Variants in RBM28 observed in about 807,000 individuals in gnomAD.
RBM28 encodes RNA binding motif protein 28.
In RBM28, 78 loss-of-function variants were observed where a neutral mutation model predicts 98.3. The observed-to-expected ratio is 0.79, with a 90% confidence interval of 0.66 to 0.96. The LOEUF (loss-of-function observed/expected upper bound fraction) is 0.96, where lower values mean the gene tolerates loss of function less well. Among genes scored for constraint, RBM28 ranks in the 40% least tolerant of loss-of-function variants. The pLI, the probability that RBM28 is intolerant of heterozygous loss-of-function variation, is 0.00. For synonymous variants in RBM28, 306 were observed against 330.9 expected (o/e 0.92, Z 0.82); for missense variants, 838 against 913.0 (o/e 0.92, Z 1.06).
intron 10 of RBM28, among the ~76,000 whole-genome samples, chr7:128,329,233 G>A (rs979601578): frequency 1.3e-5 from 2 of 152,136 alleles, no homozygotes; most frequent in African/African-American, 4.8e-5. Context: ...CCGAGTAGCT[G>A]GGATTACAGG....
chr7:128,338,663 A>G (rs1019749318), intron 4 of RBM28, 63 bp downstream of exon 4: 1 of 1,173,712 alleles, frequency 8.5e-7, no homozygotes, highest in Admixed American at 1.7e-5. Flanking sequence ...TATATCATAT[A>G]TGTTTGTTCA....
intron 18 of RBM28, 99 bp from the exon 19 acceptor site, chr7:128,311,030 G>T: frequency 8.2e-7 from 1 of 1,224,004 alleles, no homozygotes; most frequent in Non-Finnish European, 1.2e-6. Flanking sequence ...GTGGGACAGA[G>T]ATCATATCTA....
chr7:128,329,168 C>T (rs543786931), intron 10 of RBM28, among the ~76,000 whole-genome samples: 33 of 152,226 alleles, frequency 2.2e-4, no homozygotes, highest in African/African-American at 7.7e-4. Flanking sequence ...GGCACGATCT[C>T]GGCTCACCAC....
chr7:128,321,761 T>A (rs151059427), intron 13 of RBM28, among the ~76,000 whole-genome samples: 2 of 151,964 alleles, frequency 1.3e-5, no homozygotes, highest in African/African-American at 4.8e-5. Flanking sequence ...AATGAGATAA[T>A]ATAAGGCTGG....
intron 18 of RBM28, among the ~76,000 whole-genome samples, chr7:128,312,469 G>A (rs1796006044): frequency 6.6e-6 from 1 of 152,078 alleles, no homozygotes; most frequent in Non-Finnish European, 1.5e-5. Context: ...CAGATGACAG[G>A]CAATATGGGG....
At chr7:128,336,794 C>T (rs1201700071) in intron 6 of RBM28, among the ~76,000 whole-genome samples, 2 of 152,144 alleles carry the variant, frequency 1.3e-5, no homozygotes, top group Non-Finnish European at 2.9e-5. Flanking sequence ...CGTTTTGTTG[C>T]CCAGGCTGGA....
chr7:128,310,805 CA>C lies in RBM28; in HGVS notation c.2271del (p.Phe757LeufsTer33). On this transcript the variant is annotated frameshift_variant, in exon 19 of 19. Transcript: ENST00000223073. LOFTEE classifies it high-confidence loss of function. ...GAPLAKRSKW[F>X]DS ...CCAGCCTGCTGCCATCATCAACTAT[CA>C]AACCATTTGCTCCTCTTTGCAAGAG... 1 of 1,614,148 alleles carries C rather than the reference CA, an allele frequency of 6.2e-7. No homozygotes were observed. Among genetic ancestry groups the C allele is most frequent in the Non-Finnish European group, 8.5e-7 (1 of 1,180,022 alleles).
intron 5 of RBM28, 118 bp from the exon 6 acceptor site, chr7:128,337,320 T>G (rs1218921727): frequency 1.0e-6 from 1 of 955,972 alleles, no homozygotes. Flanking sequence ...AACTGCCAAT[T>G]CAGGGAATGC....
rs187064945 is a variant in RBM28 at position 128,338,105 on chromosome 7, G to A, written c.541+145C>T. 3.8e-4 allele frequency: 265 copies of A among 697,070 alleles called. 2 individuals are homozygous for A. The highest frequency in any genetic ancestry group is 1.6e-3 in the South Asian group (100 of 64,420). 43.2% of individuals were successfully genotyped at this position (697,070 alleles called of 1,614,324 possible). ...TTTAACCCCAAGATCAAGTTCTAGA[G>A]TATTTCACCTAAATAGCTACCGTAT... On this transcript the variant is annotated intron_variant, in intron 5 of 18. Coordinates refer to ENST00000223073, the MANE Select transcript of RBM28 (RefSeq NM_018077.3).
chr7:128,330,716 T>C, intron 10 of RBM28, 103 bp downstream of exon 10: 1 of 867,626 alleles, frequency 1.2e-6, no homozygotes, highest in Admixed American at 1.7e-5. Flanking sequence ...CTGGATGGAC[T>C]GTGAACCCCT....
At chr7:128,330,178 T>C (rs1315243257) in intron 10 of RBM28, among the ~76,000 whole-genome samples, 1 of 152,018 alleles carries the variant, frequency 6.6e-6, no homozygotes, top group African/African-American at 2.4e-5. Flanking sequence ...AAAAAGATCC[T>C]GGTAATTTCA....
At chr7:128,340,570 C>T (rs1796703572) in intron 1 of RBM28, among the ~76,000 whole-genome samples, 1 of 152,064 alleles carries the variant, frequency 6.6e-6, no homozygotes, top group Admixed American at 6.5e-5. Flanking sequence ...CTCTTATAAG[C>T]AACAGAAAAT....
chr7:128,313,398 C>T, intron 17 of RBM28, 124 bp from the exon 18 acceptor site: 2 of 929,002 alleles, frequency 2.2e-6, no homozygotes, highest in East Asian at 2.5e-5. Context: ...AGGGATACTG[C>T]AACAGACCCT....
rs1693970477 is a variant in RBM28, at chr7:128,307,501, G to A, written c.*3296C>T. Reference sequence around the variant, plus strand: ...AAAGTACATTTTGAAGTATTTCGAAGAATGAATCACATGCCCTAACTTTAT... The same window carrying A: ...AAAGTACATTTTGAAGTATTTCGAAAAATGAATCACATGCCCTAACTTTAT... On this transcript the variant is annotated 3_prime_UTR_variant, in exon 19 of 19. Transcript: ENST00000223073. 1 of 150,434 alleles carries A rather than the reference G, an allele frequency of 6.6e-6. No homozygotes were observed. Among genetic ancestry groups the A allele is most frequent in the South Asian group, 2.1e-4 (1 of 4,830 alleles). The allele number at this position is 150,434 out of a possible 1,614,324, so 9.3% of individuals were successfully genotyped here. A position where few individuals can be genotyped will look rare whatever the true frequency, so the allele number is the denominator to read the frequency against.
rs752803207 is a variant in RBM28 at position 128,335,696 on chromosome 7, C to A, written c.810-17G>T. ...TTGACTGCTCTGCAATGGCACAGAT[C>A]AGAACTAAGGAGGTGGGCTGACAGA... On this transcript the variant is annotated splice_polypyrimidine_tract_variant and intron_variant, in intron 7 of 18. Coordinates refer to ENST00000223073, the MANE Select transcript of RBM28 (RefSeq NM_018077.3). 1.2e-6 allele frequency: 2 copies of A among 1,614,124 alleles called. No homozygotes were observed. The highest frequency in any genetic ancestry group is 2.2e-5 in the South Asian group (2 of 91,072).
At position 128,324,457 on chromosome 7, in the gene RBM28, G is replaced by A; in HGVS notation, c.1339+102C>T. The A allele has an allele frequency of 6.6e-6, 10 of 1,510,500 alleles. 1 individual carries two copies. The South Asian group carries it at 1.1e-4, about 17-fold the overall frequency. 93.6% of individuals were successfully genotyped at this position (1,510,500 alleles called of 1,614,324 possible). On this transcript the variant is annotated intron_variant, in intron 12 of 18. Transcript: ENST00000223073. ...ATAACACTGTTAAAGAGAACATTTG[G>A]GTTTTTAATTTGAAACATGCTTCCA...
At chr7:128,310,956 T>C (rs766793143) in intron 18 of RBM28, 25 bp from the exon 19 acceptor site, 1 of 1,602,844 alleles carries the variant, frequency 6.2e-7, no homozygotes, top group Admixed American at 1.7e-5. Flanking sequence ...ATTAGAAACA[T>C]AATATAATCA....
At position 128,317,982 on chromosome 7, in the gene RBM28, T is replaced by C; in HGVS notation, c.1688A>G (p.Asn563Ser). ...ALKALRLINN[N>S]PEIFGPLKRP... Reference sequence around the variant, plus strand: ...CTTCAGAGGCCCAAAGATTTCTGGATTGTTGTTGATGAGGCGGAGGGCTTT... The same window carrying C: ...CTTCAGAGGCCCAAAGATTTCTGGACTGTTGTTGATGAGGCGGAGGGCTTT... Residue 563 changes from asparagine to serine, a missense_variant, in exon 15 of 19, where the codon AAT becomes AGT. Coordinates refer to ENST00000223073, the MANE Select transcript of RBM28 (RefSeq NM_018077.3). The C allele has an allele frequency of 6.2e-7, 1 of 1,614,184 alleles. No homozygotes were observed. Among genetic ancestry groups the C allele is most frequent in the Non-Finnish European group, 8.5e-7 (1 of 1,180,036 alleles).
chr7:128,317,012 G>C (rs1388106161), intron 16 of RBM28, among the ~76,000 whole-genome samples: 2 of 152,178 alleles, frequency 1.3e-5, no homozygotes, highest in South Asian at 2.1e-4. Context: ...GTATGTCCTG[G>C]GGGAAGATGG....
Sources: allele counts gnomAD v4.1 joint callset (sites outside exome capture counted in the v4.1 genomes callset), GRCh38; gene constraint gnomAD v4.1.1; transcripts MANE v1.5; gene names NCBI Gene and HGNC (gene_info 2026-07-23, HGNC 2026-07-21).